Variants in FOXP1 observed in about 807,000 individuals in gnomAD.
FOXP1 encodes forkhead box P1, also known as forkhead box protein P1.
In FOXP1, 15 loss-of-function variants were observed where a neutral mutation model predicts 98.2. That is an observed-to-expected ratio of 0.15 (90% CI 0.10 to 0.24). The LOEUF (loss-of-function observed/expected upper bound fraction) is 0.24. FOXP1 is among the 10% of genes least tolerant of loss of function. FOXP1 has a pLI of 1.00. For synonymous variants in FOXP1, 371 were observed against 314.5 expected, an observed-to-expected ratio of 1.18 and a Z score of -1.90; for missense variants, 633 against 848.5, an observed-to-expected ratio of 0.75 and a Z score of 3.15.
At chr3:71,519,278 T>C (rs1235518774) in intron 2 of FOXP1, among the ~76,000 whole-genome samples, 1 of 152,106 alleles carries the variant, frequency 6.6e-6, no homozygotes, top group Non-Finnish European at 1.5e-5. Flanking sequence ...AATAAAATAA[T>C]GTGTGAGCAG....
At chr3:70,976,907 A>G in intron 17 of FOXP1, 34 bp downstream of exon 17, 1 of 1,464,624 alleles carries the variant, frequency 6.8e-7, no homozygotes, top group Non-Finnish European at 9.6e-7. Context: ...ATGAACGTCA[A>G]GATCCAAGAA....
chr3:71,129,270 G>A (rs757376418), intron 6 of FOXP1, among the ~76,000 whole-genome samples: 6 of 152,062 alleles, frequency 3.9e-5, no homozygotes, highest in South Asian at 2.1e-4. Context: ...TAAGGCAGTC[G>A]CAAACATCTT....
chr3:71,549,776 C>G (rs989794401), intron 2 of FOXP1, among the ~76,000 whole-genome samples: 10 of 144,388 alleles, frequency 6.9e-5, no homozygotes, highest in African/African-American at 2.5e-4. Flanking sequence ...AACATCAAAT[C>G]ATCACATGAA....
chr3:71,582,176 T>A (rs936664629), intron 1 of FOXP1: 2 of 978,540 alleles, frequency 2.0e-6, no homozygotes, highest in Non-Finnish European at 1.2e-6. Context: ...TGTGTGTCAC[T>A]GCCAGTCTCC....
intron 4 of FOXP1, among the ~76,000 whole-genome samples, chr3:71,308,605 A>G (rs183651096): frequency 6.6e-6 from 1 of 152,312 alleles, no homozygotes; most frequent in Admixed American, 6.5e-5. Flanking sequence ...GTTCCAACTA[A>G]AACTGGAAAT....
At chr3:71,562,008 T>C (rs374543598) in intron 2 of FOXP1, among the ~76,000 whole-genome samples, 2 of 152,240 alleles carry the variant, frequency 1.3e-5, no homozygotes, top group East Asian at 1.9e-4. Flanking sequence ...TATGTCTCCA[T>C]CCTAGACAAA....
chr3:71,286,607 C>A (rs2072170325), intron 5 of FOXP1, among the ~76,000 whole-genome samples: 2 of 152,056 alleles, frequency 1.3e-5, no homozygotes, highest in African/African-American at 4.8e-5. Context: ...GTATAAATGG[C>A]TCTCCTTTGA....
Position 71,182,549 on chromosome 3 carries a change from CT to C in FOXP1, c.180+15652del, listed in dbSNP as rs369563965. Among the ~76,000 whole-genome samples the C allele has an allele frequency of 1.3e-3, 143 of 112,918 alleles. 4 individuals carry two copies. Among genetic ancestry groups the C allele is most frequent in the Admixed American group, 4.4e-3 (50 of 11,404 alleles). 74.1% of individuals were successfully genotyped at this position (112,918 alleles called of 152,430 possible). ...GTGTGTGTGTATATATGTATATATT[CT>C]TTTTTTTTTTTTTTTAGTAGAGACA... On this transcript the variant is annotated intron_variant, in intron 6 of 20. Transcript: ENST00000649528.
chr3:71,494,344 C>A (rs2091264997), intron 2 of FOXP1, among the ~76,000 whole-genome samples: 1 of 152,214 alleles, frequency 6.6e-6, no homozygotes, highest in Non-Finnish European at 1.5e-5. Context: ...ATACTTTAAA[C>A]TAATTAACTT....
chr3:71,176,233 G>T (rs943275542), intron 6 of FOXP1, among the ~76,000 whole-genome samples: 1 of 152,170 alleles, frequency 6.6e-6, no homozygotes, highest in Non-Finnish European at 1.5e-5. Context: ...AAAGTCTACA[G>T]TTTAAGTCTT....
chr3:70,974,061 T>C (rs1490676963), intron 17 of FOXP1, among the ~76,000 whole-genome samples: 4 of 152,084 alleles, frequency 2.6e-5, no homozygotes, highest in African/African-American at 4.8e-5. Context: ...GTGTGATGAA[T>C]TGCTTGAAAG....
intron 7 of FOXP1, among the ~76,000 whole-genome samples, chr3:71,094,652 A>C (rs2056282377): frequency 6.6e-6 from 1 of 152,136 alleles, no homozygotes; most frequent in African/African-American, 2.4e-5. Context: ...AGAGTCATAG[A>C]GATATCCTGA....
chr3:71,221,277 A>T (rs1385604203), intron 5 of FOXP1, among the ~76,000 whole-genome samples: 3 of 152,156 alleles, frequency 2.0e-5, no homozygotes, highest in Admixed American at 2.0e-4. Context: ...CTGGTCAGAA[A>T]AATTGTCTTC....
At chr3:71,210,498 T>C (rs994725177) in intron 5 of FOXP1, among the ~76,000 whole-genome samples, 14 of 152,152 alleles carry the variant, frequency 9.2e-5, no homozygotes, top group Admixed American at 1.3e-4. Flanking sequence ...TAACACCTGA[T>C]GGACATGCAG....
In FOXP1 at chr3:70,958,208, A is replaced by T; in HGVS notation, c.*1039T>A. On this transcript the variant is annotated 3_prime_UTR_variant, in exon 21 of 21. Transcript: ENST00000649528. ...TTAATGGTTGCTGCAAAAAAAAAAA[A>T]AGAAAAGAAAAGAAAAAAAGAAAAT... 2.2e-6 allele frequency: 1 copy of T among 446,284 alleles called. No individual in the cohort carries two copies. The highest frequency in any genetic ancestry group is 4.2e-6 in the Non-Finnish European group (1 of 236,752). The allele number at this position is 446,284 out of a possible 1,614,324, so 27.6% of individuals were successfully genotyped here. A position where few individuals can be genotyped will look rare whatever the true frequency, so the allele number is the denominator to read the frequency against.
chr3:71,067,764 A>ACACAC (rs71104409), intron 7 of FOXP1, among the ~76,000 whole-genome samples: 6 of 140,946 alleles, frequency 4.3e-5, no homozygotes, highest in African/African-American at 9.5e-5. Flanking sequence ...ACACACACAC[A>ACACAC]ATTAGCCACG....
intron 2 of FOXP1, among the ~76,000 whole-genome samples, chr3:71,497,649 C>T (rs907165974): frequency 6.6e-6 from 1 of 152,096 alleles, no homozygotes; most frequent in African/African-American, 2.4e-5. Context: ...CAACAGATAC[C>T]CCAGGTAACT....
intron 2 of FOXP1, among the ~76,000 whole-genome samples, chr3:71,555,103 T>C (rs2046035224): frequency 6.6e-6 from 1 of 152,220 alleles, no homozygotes; most frequent in South Asian, 2.1e-4. Flanking sequence ...AAAATAAATA[T>C]TTGTGAGTTT....
At chr3:71,496,015 T>C (rs2091381431) in intron 2 of FOXP1, among the ~76,000 whole-genome samples, 2 of 152,234 alleles carry the variant, frequency 1.3e-5, no homozygotes, top group African/African-American at 4.8e-5. Context: ...TACTGCCACA[T>C]GGGCACATAC....
Sources: gnomAD v4.1 joint callset for allele counts (sites outside exome capture counted in the v4.1 genomes callset) on GRCh38, gnomAD v4.1.1 for gene constraint, MANE v1.5 for transcripts, NCBI Gene and HGNC (gene_info 2026-07-23, HGNC 2026-07-21) for gene names.